Variants in RUNX1T1 observed in about 807,000 individuals in gnomAD.
The protein encoded by RUNX1T1 is protein CBFA2T1.
RUNX1T1 carries 4 observed loss-of-function variants against 62.8 expected under a neutral mutation model. That is an observed-to-expected ratio of 0.06 (90% confidence interval 0.03 to 0.15). RUNX1T1 has a LOEUF of 0.15. RUNX1T1 is among the 10% of genes least tolerant of loss of function. The pLI is 1.00. For synonymous variants in RUNX1T1, 291 were observed against 286.0 expected, an observed-to-expected ratio of 1.02 and a Z score of -0.18; for missense variants, 508 against 754.3, an observed-to-expected ratio of 0.67 and a Z score of 3.82.
At chr8:92,058,663 A>AATC (rs1424904440) in intron 1 of RUNX1T1, among the ~76,000 whole-genome samples, 11 of 152,318 alleles carry the variant, frequency 7.2e-5, no homozygotes, top group African/African-American at 2.6e-4. Flanking sequence ...CTGTAAACTG[A>AATC]AGGTGCTCGC....
intron 2 of RUNX1T1, among the ~76,000 whole-genome samples, chr8:92,016,267 T>C (rs1369709568): frequency 6.6e-6 from 1 of 152,192 alleles, no homozygotes; most frequent in Non-Finnish European, 1.5e-5. Context: ...TCTGTCAGAA[T>C]TCTCTATCCT....
chr8:92,095,613 T>G (rs1242544858), intron 1 of RUNX1T1: 25 of 1,342,612 alleles, frequency 1.9e-5, no homozygotes, highest in South Asian at 3.6e-5. Flanking sequence ...GGAGGAAAAG[T>G]GGGAGAGAGA....
intron 1 of RUNX1T1, among the ~76,000 whole-genome samples, chr8:92,028,834 T>C (rs1039206843): frequency 2.6e-5 from 4 of 152,164 alleles, no homozygotes; most frequent in African/African-American, 9.7e-5. Context: ...TGTTAACATT[T>C]TGTTGTCAAA....
intron 1 of RUNX1T1, among the ~76,000 whole-genome samples, chr8:92,022,903 C>A (rs915403681): frequency 3.9e-5 from 6 of 152,220 alleles, no homozygotes; most frequent in African/African-American, 1.4e-4. Context: ...ATGTTGCAGA[C>A]ACTGTTGAGT....
chr8:92,095,079 CA>C (rs1347070133), intron 1 of RUNX1T1: 1 of 1,535,618 alleles, frequency 6.5e-7, no homozygotes, highest in Non-Finnish European at 8.7e-7. Flanking sequence ...GCGTCAAGGC[CA>C]GGGGTAGATG....
intron 1 of RUNX1T1, among the ~76,000 whole-genome samples, chr8:92,049,044 G>C (rs942745442): frequency 1.3e-5 from 2 of 152,190 alleles, no homozygotes; most frequent in African/African-American, 4.8e-5. Flanking sequence ...TTAGCAAAAT[G>C]TACCTATCTC....
chr8:91,991,691 G>T, exon 6 of RUNX1T1: 1 of 1,614,126 alleles, frequency 6.2e-7, no homozygotes, highest in Non-Finnish European at 8.5e-7. Flanking sequence ...GTCGATAGGA[G>T]TCCCTGTAGT....
At position 92,040,655 on chromosome 8, in the gene RUNX1T1, C is replaced by T. The variant is rs141217203; in HGVS notation, c.7+21891G>A. Among the ~76,000 whole-genome samples, 503 of 152,342 alleles carry T rather than the reference C, an allele frequency of 3.3e-3. 5 individuals are homozygous for T. Among genetic ancestry groups the T allele is most frequent in the African/African-American group, 0.012 (486 of 41,584 alleles). On this transcript the variant is annotated intron_variant, in intron 1 of 10. Transcript: ENST00000396218. ...TGCTTTCAAAGCCCTCCATTTCTTC[C>T]CCATCATACAACTCACATCTTATTG...
At chr8:92,085,642 TG>T (rs1835988402) in intron 1 of RUNX1T1, among the ~76,000 whole-genome samples, 3 of 152,298 alleles carry the variant, frequency 2.0e-5, no homozygotes, top group South Asian at 4.1e-4. Context: ...ACTCCAAATA[TG>T]GTTAAAGTTC....
chr8:92,095,759 G>A (rs1837695332), intron 1 of RUNX1T1: 2 of 391,326 alleles, frequency 5.1e-6, no homozygotes, highest in East Asian at 8.5e-5. Flanking sequence ...AAGGCTATCT[G>A]GGAATGAGAG....
chr8:91,980,624 T>C (rs1340063648), intron 8 of RUNX1T1, among the ~76,000 whole-genome samples: 1 of 152,222 alleles, frequency 6.6e-6, no homozygotes, highest in African/African-American at 2.4e-5. Flanking sequence ...TTTACTAGTT[T>C]CATTTACCAC....
In RUNX1T1 at chr8:92,010,937, A is replaced by T. The variant is rs748856338; in HGVS notation, c.477+65T>A. 1.2e-6 allele frequency: 1 copy of T among 853,828 alleles called. No individual in the cohort carries two copies. Among genetic ancestry groups the T allele is most frequent in the Non-Finnish European group, 2.0e-6 (1 of 511,894 alleles). 52.9% of individuals were successfully genotyped at this position (853,828 alleles called of 1,614,324 possible). A position where few individuals can be genotyped will look rare whatever the true frequency, so the allele number is the denominator to read the frequency against. On this transcript the variant is annotated intron_variant, in intron 4 of 10. Coordinates refer to ENST00000396218, the Ensembl canonical transcript of RUNX1T1. The stretch of plus-strand genomic sequence containing the variant: ...GAGCCCCTAAATGTACTAAAAAAGC[A>T]CACAGTTATGACCTAGCAACAATAT...
intron 3 of RUNX1T1, among the ~76,000 whole-genome samples, chr8:92,012,095 C>T (rs1302992368): frequency 6.6e-6 from 1 of 152,168 alleles, no homozygotes; most frequent in Non-Finnish European, 1.5e-5. Flanking sequence ...ACAAAGTACA[C>T]GAGCACCAAG....
chr8:91,990,693 AGGTGCAGTGTGTGG>A (rs1208341657), intron 6 of RUNX1T1, among the ~76,000 whole-genome samples: 2 of 149,006 alleles, frequency 1.3e-5, no homozygotes, highest in Non-Finnish European at 3.0e-5. Context: ...ACCCAGGCTG[AGGTGCAGTGTGTGG>A]GGTGCAGTGG....
chr8:92,011,328 G>A (rs1017349968), intron 3 of RUNX1T1, among the ~76,000 whole-genome samples: 1 of 152,088 alleles, frequency 6.6e-6, no homozygotes, highest in African/African-American at 2.4e-5. Context: ...AGTACTTTGA[G>A]GATAATGTGC....
exon 11 of RUNX1T1, chr8:91,959,294 C>A (rs1809856983): frequency 4.5e-6 from 1 of 221,496 alleles, no homozygotes; most frequent in Non-Finnish European, 9.1e-6. Context: ...TGGAATAGAC[C>A]CAATGTCTTA....
intron 4 of RUNX1T1, among the ~76,000 whole-genome samples, chr8:92,007,967 CAAA>C (rs34232877): frequency 3.5e-5 from 3 of 85,394 alleles, no homozygotes; most frequent in Admixed American, 1.4e-4. Flanking sequence ...GACTTTGTTT[CAAA>C]AAAAAAAAAA....
At chr8:91,960,313 T>C (rs774637432) in exon 11 of RUNX1T1, 4 of 1,611,182 alleles carry the variant, frequency 2.5e-6, no homozygotes, top group Non-Finnish European at 3.4e-6. Context: ...GCTGGTGGTG[T>C]GTCCATCGGG....
intron 5 of RUNX1T1, among the ~76,000 whole-genome samples, chr8:92,000,254 CCAGATCAGT>C (rs1260995209): frequency 2.0e-5 from 3 of 151,818 alleles, no homozygotes; most frequent in Non-Finnish European, 4.4e-5. Flanking sequence ...TGCAGTGAGC[CCAGATCAGT>C]CACTCCAGCC....
Sources: allele counts gnomAD v4.1 joint callset (sites outside exome capture counted in the v4.1 genomes callset), GRCh38; gene constraint gnomAD v4.1.1; transcripts MANE v1.5; gene names NCBI Gene and HGNC (gene_info 2026-07-23, HGNC 2026-07-21).